SRCIN1: variants seen among roughly 807,000 people sequenced by gnomAD.
SRCIN1 encodes the protein SRC kinase signaling inhibitor 1.
Under a neutral mutation model 116.2 loss-of-function variants are expected in SRCIN1, and 50 were observed. The ratio of observed to expected loss-of-function variants is 0.43; its 90% CI spans 0.34 to 0.54. The LOEUF is 0.54. SRCIN1 is among the 20% of genes least tolerant of loss of function. The pLI, the probability that SRCIN1 is intolerant of heterozygous loss-of-function variation, is 0.02. For synonymous variants in SRCIN1, 736 were observed against 750.0 expected, an observed-to-expected ratio of 0.98 and a Z score of 0.30; for missense variants, 1,446 against 1,672.0, an observed-to-expected ratio of 0.86 and a Z score of 2.36.
chr17:38,575,630 C>T (rs986040002), intron 2 of SRCIN1, among the ~76,000 whole-genome samples: 4 of 152,176 alleles, frequency 2.6e-5, no homozygotes, highest in African/African-American at 9.7e-5. Context: ...GCTCTCATCC[C>T]CTCCTCACTA....
intron 1 of SRCIN1, among the ~76,000 whole-genome samples, chr17:38,598,905 T>A (rs1306084903): frequency 6.6e-6 from 1 of 152,088 alleles, no homozygotes; most frequent in Non-Finnish European, 1.5e-5. Flanking sequence ...CTCTAGCCAC[T>A]CCCTTCTCCA....
intron 3 of SRCIN1, among the ~76,000 whole-genome samples, chr17:38,567,799 C>G (rs1343104591): frequency 6.6e-6 from 1 of 152,100 alleles, no homozygotes; most frequent in East Asian, 1.9e-4. Context: ...GAAGGGGGAC[C>G]CATCACAGTC....
Position 38,604,526 on chromosome 17 carries a change from G to C in SRCIN1, c.22+1158C>G, listed in dbSNP as rs1251834660. 2.2e-6 allele frequency: 1 copy of C among 455,382 alleles called. No individual in the cohort carries two copies. Among genetic ancestry groups the C allele is most frequent in the South Asian group, 1.6e-5 (1 of 64,420 alleles). 28.2% of individuals were successfully genotyped at this position (455,382 alleles called of 1,614,324 possible). ...GTCCCTCGGTCCAGCCTCCTCCCTG[G>C]GAGAGCGGGCTCTGCCCTCCGCCGT... is the stretch of plus-strand genomic sequence containing the variant. On this transcript the variant is annotated intron_variant, in intron 1 of 18. Transcript: ENST00000617146. This position sits in a 1 kb window ranked among gnomAD's most constrained non-coding sequence, Gnocchi z 4.3.
Position 38,559,717 on chromosome 17 carries a change from C to A in SRCIN1, c.1893G>T (p.Pro631=). The change falls in exon 10 of 19, where the codon CCG becomes CCT. Residue 631 remains proline (P), a synonymous_variant. Coordinates refer to ENST00000617146, the MANE Select transcript of SRCIN1 (RefSeq NM_025248.3). ...CTGCGGGGGTGCTGCTGGCCGAGGG[C>A]GGGGGCGGGCCGGACACCGGGGTGG... is the stretch of plus-strand genomic sequence containing the variant. ...SGATPVSGPP[P]PSASSTPAGQ... is the part of the protein sequence containing the mutation. The A allele has an allele frequency of 6.5e-7, 1 of 1,533,182 alleles. No individual in the cohort carries two copies. The highest frequency in any genetic ancestry group is 8.7e-7 in the Non-Finnish European group (1 of 1,145,724). The allele number at this position is 1,533,182 out of a possible 1,614,324, so 95.0% of individuals were successfully genotyped here.
Position 38,558,174 on chromosome 17 carries a change from G to A in SRCIN1, c.2201+53C>T, listed in dbSNP as rs1435105873. On this transcript the variant is annotated intron_variant, in intron 11 of 18. Coordinates refer to ENST00000617146, the MANE Select transcript of SRCIN1 (RefSeq NM_025248.3). This position sits in a 1 kb window ranked among gnomAD's most constrained non-coding sequence, Gnocchi z 4.6. Reference sequence around the variant, plus strand: ...GCGCCTCCCAGGGAAACCAGGTTGCGGGTCACTCCAGCCGCACCCCCACCC... The same window carrying A: ...GCGCCTCCCAGGGAAACCAGGTTGCAGGTCACTCCAGCCGCACCCCCACCC... 2 of 1,584,784 alleles carry A rather than the reference G, an allele frequency of 1.3e-6. No individual in the cohort carries two copies.
At chr17:38,536,425 C>T (rs1425942991) in intron 18 of SRCIN1, among the ~76,000 whole-genome samples, 1 of 152,246 alleles carries the variant, frequency 6.6e-6, no homozygotes, top group Non-Finnish European at 1.5e-5. Context: ...AGAAACCTCA[C>T]ACATGTCCAG....
chr17:38,585,344 A>G lies in SRCIN1; in HGVS notation c.23-6553T>C, dbSNP rs924386287. 1.3e-5 allele frequency among the ~76,000 whole-genome samples: 2 copies of G among 152,246 alleles called. No individual in the cohort carries two copies. The highest frequency in any genetic ancestry group is 4.8e-5 in the African/African-American group (2 of 41,472). ...AATGCTACAGGAGCCCAAGTCAGCCAGGAGGAGCCCCGAGGCACTGCCACC... is the reference window on the plus strand; with the variant it reads ...AATGCTACAGGAGCCCAAGTCAGCCGGGAGGAGCCCCGAGGCACTGCCACC... On this transcript the variant is annotated intron_variant, in intron 1 of 18. Coordinates refer to ENST00000617146, the MANE Select transcript of SRCIN1 (RefSeq NM_025248.3). This position sits in a 1 kb window ranked among gnomAD's most constrained non-coding sequence, Gnocchi z 4.2.
At chr17:38,606,256 C>T (rs1161013121), upstream of SRCIN1, among the ~76,000 whole-genome samples, 2 of 151,794 alleles carry the variant, frequency 1.3e-5, no homozygotes, top group African/African-American at 4.8e-5. The surrounding 1 kb of genome is among the most constrained non-coding windows in gnomAD (Gnocchi z 5.2). Context: ...GAGGAGGCAC[C>T]CGGGGAAGCG....
intron 1 of SRCIN1, among the ~76,000 whole-genome samples, chr17:38,601,638 G>A (rs201383144): frequency 1.5e-5 from 2 of 137,664 alleles, no homozygotes. Flanking sequence ...ACACACACAC[G>A]CACACACACA....
At position 38,578,591 on chromosome 17, in the gene SRCIN1, C is replaced by T. The variant is rs906762833; in HGVS notation, c.223G>A (p.Asp75Asn). Residue 75 changes from aspartate to asparagine, a missense_variant, in exon 2 of 19, where the codon GAC becomes AAC. Physicochemically the swap from Asp to Asn is conservative, Grantham distance 23 (BLOSUM62 1). Transcript: ENST00000617146. The part of the protein sequence containing the change: ...LEALSGLQKA[D>N]ADRKRDAFMD... ...AAGGCATCACGCTTGCGGTCGGCGTCCGCCTTCTGGAGCCCGCTGAGCGCC... is the reference window on the plus strand; with the variant it reads ...AAGGCATCACGCTTGCGGTCGGCGTTCGCCTTCTGGAGCCCGCTGAGCGCC... 2 of 1,611,832 alleles carry T rather than the reference C, an allele frequency of 1.2e-6. No homozygotes were observed. The highest frequency in any genetic ancestry group is 1.7e-5 in the Admixed American group (1 of 59,930).
At position 38,532,209 on chromosome 17, in the gene SRCIN1, A is replaced by C. The variant is rs2040931954; in HGVS notation, c.*1088T>G. 1 of 152,268 alleles carries C rather than the reference A, an allele frequency of 6.6e-6. No homozygotes were observed. Among genetic ancestry groups the C allele is most frequent in the Non-Finnish European group, 1.5e-5 (1 of 68,020 alleles). The allele number at this position is 152,268 out of a possible 1,614,324, so 9.4% of individuals were successfully genotyped here. ...CTCATCCTTTCCTGGGAAAACCCTC[A>C]AATTGCCAAGAGGATGACTGAAGTT... On this transcript the variant is annotated 3_prime_UTR_variant, in exon 19 of 19. Coordinates refer to ENST00000617146, the MANE Select transcript of SRCIN1 (RefSeq NM_025248.3). The surrounding 1 kb of genome is among the most constrained non-coding windows in gnomAD (Gnocchi z 4.3).
At chr17:38,547,544 G>GC (rs1319527968) in intron 17 of SRCIN1, among the ~76,000 whole-genome samples, 3 of 152,178 alleles carry the variant, frequency 2.0e-5, no homozygotes, top group African/African-American at 7.2e-5. Context: ...GTCTCAGGGA[G>GC]CCCCCCAGCA....
intron 15 of SRCIN1, among the ~76,000 whole-genome samples, chr17:38,550,511 AAAAAAT>A (rs1905323918): frequency 6.6e-6 from 1 of 151,948 alleles, no homozygotes; most frequent in Non-Finnish European, 1.5e-5. Flanking sequence ...ATAAATAAAT[AAAAAAT>A]AAAAATAAAA....
rs530076354 is a variant in SRCIN1, at chr17:38,530,060, C to T, written c.*3237G>A. On this transcript the variant is annotated 3_prime_UTR_variant, in exon 19 of 19. Transcript: ENST00000617146. ...AAAAAGAAACAAGTTTTATTAAAGC[C>T]CCAAACACTTGGCTAGAAAAACTGA... The T allele has an allele frequency of 1.3e-5, 2 of 152,090 alleles. No homozygotes were observed. Among genetic ancestry groups the T allele is most frequent in the Non-Finnish European group, 2.9e-5 (2 of 68,028 alleles). The allele number at this position is 152,090 out of a possible 1,614,324, so 9.4% of individuals were successfully genotyped here.
intron 18 of SRCIN1, among the ~76,000 whole-genome samples, chr17:38,539,602 CCTCCGGGA>C (rs1904602633): frequency 6.6e-6 from 1 of 152,140 alleles, no homozygotes; most frequent in Admixed American, 6.5e-5. Context: ...CTGCTCCCGC[CCTCCGGGA>C]CTCGCTAAAC....
At chr17:38,578,405 TGGGGACACGGAGCACG>T in intron 2 of SRCIN1, 69 bp downstream of exon 2, 1 of 1,442,280 alleles carries the variant, frequency 6.9e-7, no homozygotes, top group Non-Finnish European at 9.2e-7. Context: ...GGAATGAGCC[TGGGGACACGGAGCACG>T]GGGTCAGACC....
rs1908071199 is a variant in SRCIN1, at chr17:38,585,604, C to T, written c.23-6813G>A. On this transcript the variant is annotated intron_variant, in intron 1 of 18. Coordinates refer to ENST00000617146, the MANE Select transcript of SRCIN1 (RefSeq NM_025248.3). The surrounding 1 kb of genome is among the most constrained non-coding windows in gnomAD (Gnocchi z 4.2). ...CCCTGGCTCTGCCTTCCTTGTGTGC[C>T]CATACTCCTCAGTTTCTGCTGGCTG... is the stretch of plus-strand genomic sequence containing the variant. 6.6e-6 allele frequency among the ~76,000 whole-genome samples: 1 copy of T among 152,176 alleles called. No homozygotes were observed. Among genetic ancestry groups the T allele is most frequent in the Non-Finnish European group, 1.5e-5 (1 of 68,040 alleles).
In SRCIN1 at chr17:38,572,020, C is replaced by T. The variant is rs145067844; in HGVS notation, c.325-3789G>A. Reference sequence around the variant, plus strand: ...CCCTGGGGAGGCTTGGCCCAGCCAGCTGAGGTCTCTTTCCTCCCCTGGGCA... The same window carrying T: ...CCCTGGGGAGGCTTGGCCCAGCCAGTTGAGGTCTCTTTCCTCCCCTGGGCA... On this transcript the variant is annotated intron_variant, in intron 2 of 18. Transcript: ENST00000617146. This position sits in a 1 kb window ranked among gnomAD's most constrained non-coding sequence, Gnocchi z 4.3. Among the ~76,000 whole-genome samples the T allele has an allele frequency of 3.1e-3, 477 of 152,270 alleles. 1 individual carries two copies. The highest frequency in any genetic ancestry group is 4.6e-3 in the Non-Finnish European group (315 of 67,978).
chr17:38,578,705 C>A lies in SRCIN1; in HGVS notation c.109G>T (p.Gly37Trp). ...EYRTLGGGGG[G>W]GSGGRRFSNV... The stretch of plus-strand genomic sequence containing the variant: ...GAGAAGCGCCGGCCCCCGCTGCCCC[C>A]GCCGCCCCCGCCCCCCAGGGTCCGG... Residue 37 changes from glycine to tryptophan, a missense_variant, in exon 2 of 19, where the codon GGG (glycine) becomes TGG (tryptophan). Physicochemically the swap from Gly to Trp is radical, Grantham distance 184 (BLOSUM62 -2). This residue lies in a region of SRCIN1 where 246 missense variants were observed against 265.1 expected (regional missense o/e 0.93). Coordinates refer to ENST00000617146, the MANE Select transcript of SRCIN1 (RefSeq NM_025248.3). 1 of 1,534,908 alleles carries A rather than the reference C, an allele frequency of 6.5e-7. No individual in the cohort carries two copies. The highest frequency in any genetic ancestry group is 8.7e-7 in the Non-Finnish European group (1 of 1,142,996).
Sources: allele counts gnomAD v4.1 joint callset (sites outside exome capture counted in the v4.1 genomes callset), GRCh38; gene constraint gnomAD v4.1.1; regional missense constraint gnomAD v4.1.1; non-coding constraint Gnocchi (gnomAD v3.1); transcripts MANE v1.5; gene names NCBI Gene and HGNC (gene_info 2026-07-23, HGNC 2026-07-21).